LTBP1: variants seen among roughly 807,000 people sequenced by gnomAD.
LTBP1 encodes the protein latent-transforming growth factor beta-binding protein 1.
In LTBP1, 129 loss-of-function variants were observed where a neutral mutation model predicts 207.6. That is an observed-to-expected ratio of 0.62 (90% CI 0.54 to 0.72). LTBP1 has a LOEUF of 0.72. Among genes scored for constraint, LTBP1 ranks in the 30% least tolerant of loss-of-function variants. LTBP1 has a pLI of 0.00. For synonymous variants in LTBP1, 963 were observed against 833.7 expected (o/e 1.16, Z -2.67); for missense variants, 2,281 against 2,217.2 (o/e 1.03, Z -0.58).
At chr2:33,043,728 A>ATAAGTGAGGG (rs1293333914) in intron 3 of LTBP1, among the ~76,000 whole-genome samples, 1 of 152,232 alleles carries the variant, frequency 6.6e-6, no homozygotes, top group Non-Finnish European at 1.5e-5. Flanking sequence ...GGGAGTAGCC[A>ATAAGTGAGGG]TAAGTGAGGG....
At chr2:33,379,141 C>T (rs1315999190) in intron 31 of LTBP1, among the ~76,000 whole-genome samples, 1 of 150,092 alleles carries the variant, frequency 6.7e-6, no homozygotes, top group African/African-American at 2.5e-5. Flanking sequence ...TTGTACACTG[C>T]TCATTTCAAG....
At chr2:33,039,122 C>T (rs1017132942) in intron 3 of LTBP1, among the ~76,000 whole-genome samples, 22 of 152,170 alleles carry the variant, frequency 1.4e-4, no homozygotes, top group African/African-American at 5.1e-4. Context: ...TTAGTGTGTT[C>T]AGAGGTTAAA....
intron 3 of LTBP1, among the ~76,000 whole-genome samples, chr2:33,106,817 G>T (rs1572663608): frequency 6.6e-6 from 1 of 152,194 alleles, no homozygotes; most frequent in Non-Finnish European, 1.5e-5. Flanking sequence ...AGCCACCAAC[G>T]AAAGTCAGCC....
chr2:33,135,732 C>T (rs772854151), intron 5 of LTBP1, among the ~76,000 whole-genome samples: 6 of 152,174 alleles, frequency 3.9e-5, no homozygotes, highest in Non-Finnish European at 8.8e-5. Context: ...TTGTGGTCCA[C>T]GGAATGCTGT....
At chr2:33,184,389 A>G (rs2086969785) in intron 5 of LTBP1, among the ~76,000 whole-genome samples, 1 of 152,018 alleles carries the variant, frequency 6.6e-6, no homozygotes, top group African/African-American at 2.4e-5. Context: ...TTCCCTCTAG[A>G]ACCTGAGGTT....
At position 33,234,918 on chromosome 2, in the gene LTBP1, T is replaced by C. The variant is rs1001691010; in HGVS notation, c.1877-8744T>C. On this transcript the variant is annotated intron_variant, in intron 9 of 33. Transcript: ENST00000404816. ...ATTAACTCAAGATGGATGAAAGACT[T>C]AAATGTAAGACCTAAAACCATAAAA... Among the ~76,000 whole-genome samples the C allele has an allele frequency of 4.6e-5, 7 of 152,252 alleles. 1 individual carries two copies. The South Asian group carries it at 1.2e-3, about 27-fold the overall frequency.
At chr2:33,037,638 G>GT (rs1205670261) in intron 3 of LTBP1, among the ~76,000 whole-genome samples, 23 of 152,160 alleles carry the variant, frequency 1.5e-4, no homozygotes, top group African/African-American at 5.5e-4. Context: ...ATTCTGGCTT[G>GT]TTTCCTTGTT....
intron 10 of LTBP1, among the ~76,000 whole-genome samples, chr2:33,247,826 C>A (rs533802798): frequency 6.6e-6 from 1 of 152,192 alleles, no homozygotes; most frequent in Non-Finnish European, 1.5e-5. Context: ...TATTGAGTGG[C>A]GTAGTTTTGT....
intron 5 of LTBP1, among the ~76,000 whole-genome samples, chr2:33,170,780 C>A (rs1173018789): frequency 6.6e-6 from 1 of 152,062 alleles, no homozygotes; most frequent in Non-Finnish European, 1.5e-5. Flanking sequence ...CAGACTGACA[C>A]CTCACACGGC....
chr2:33,239,952 TG>T (rs1430940545), intron 9 of LTBP1, among the ~76,000 whole-genome samples: 2 of 150,712 alleles, frequency 1.3e-5, no homozygotes, highest in African/African-American at 4.9e-5. Context: ...ATGAGACTCC[TG>T]AAACACTATA....
At chr2:33,212,069 T>C (rs1191079056) in intron 7 of LTBP1, among the ~76,000 whole-genome samples, 3 of 152,228 alleles carry the variant, frequency 2.0e-5, no homozygotes, top group East Asian at 1.9e-4. Context: ...TTTTTCACTA[T>C]TGCTTATAAT....
intron 10 of LTBP1, among the ~76,000 whole-genome samples, chr2:33,244,011 A>C (rs749577205): frequency 3.9e-5 from 6 of 152,216 alleles, no homozygotes; most frequent in Non-Finnish European, 8.8e-5. Flanking sequence ...TAATAGCTAA[A>C]ACTCTGAATA....
At position 33,267,240 on chromosome 2, in the gene LTBP1, C is replaced by T. The variant is rs556177043; in HGVS notation, c.2617+3848C>T. Among the ~76,000 whole-genome samples the T allele has an allele frequency of 9.2e-5, 14 of 152,352 alleles. No individual in the cohort carries two copies. The South Asian group carries it at 2.1e-3, about 23-fold the overall frequency. On this transcript the variant is annotated intron_variant, in intron 15 of 33. Transcript: ENST00000404816. ...CCCCATGCTTGCTTGCTCACACACC[C>T]CTCACTGCTCCACACCTGGCTTGCC...
intron 4 of LTBP1, among the ~76,000 whole-genome samples, chr2:33,130,880 G>C (rs2081750891): frequency 2.0e-5 from 3 of 152,060 alleles, no homozygotes; most frequent in Non-Finnish European, 4.4e-5. Flanking sequence ...TCACCTAAAG[G>C]GATCTAAAAA....
chr2:33,225,316 ATTC>A (rs1352859405), intron 9 of LTBP1, among the ~76,000 whole-genome samples: 1 of 152,200 alleles, frequency 6.6e-6, no homozygotes, highest in Admixed American at 6.5e-5. Context: ...ACTAGAACTT[ATTC>A]TTCCTATTTA....
chr2:33,299,360 A>G (rs1233275656), intron 20 of LTBP1, among the ~76,000 whole-genome samples: 9 of 152,176 alleles, frequency 5.9e-5, no homozygotes, highest in African/African-American at 2.2e-4. Flanking sequence ...TGCATTTTAA[A>G]TAAGAAAATT....
chr2:33,331,977 TTACA>T (rs1420694924), intron 24 of LTBP1, among the ~76,000 whole-genome samples: 2 of 152,114 alleles, frequency 1.3e-5, no homozygotes, highest in African/African-American at 4.8e-5. Context: ...GCATTTTATC[TTACA>T]TAATATAATT....
intron 20 of LTBP1, among the ~76,000 whole-genome samples, chr2:33,298,518 G>T (rs2093923504): frequency 6.6e-6 from 1 of 152,190 alleles, no homozygotes; most frequent in South Asian, 2.1e-4. Context: ...CCAGCTACAA[G>T]AACTATTGTT....
chr2:33,260,897 A>T (rs1027724225), intron 13 of LTBP1, among the ~76,000 whole-genome samples: 19 of 151,894 alleles, frequency 1.3e-4, no homozygotes, highest in Admixed American at 1.2e-3. Context: ...AATCTAAAAA[A>T]CCCCCAAAAT....
Sources: allele counts gnomAD v4.1 joint callset (sites outside exome capture counted in the v4.1 genomes callset), GRCh38; gene constraint gnomAD v4.1.1; transcripts MANE v1.5; gene names NCBI Gene and HGNC (gene_info 2026-07-23, HGNC 2026-07-21).